Variants in SLC39A10 observed in about 807,000 individuals in gnomAD.
The protein encoded by SLC39A10 is solute carrier family 39 member 10, also known as zinc transporter ZIP10.
SLC39A10 carries 13 observed loss-of-function variants against 65.1 expected under a neutral mutation model. The ratio of observed to expected loss-of-function variants is 0.20; its 90% CI spans 0.13 to 0.32. SLC39A10 has a LOEUF of 0.32. Among genes scored for constraint, SLC39A10 ranks in the 10% least tolerant of loss-of-function variants. The pLI is 1.00. For missense variants in SLC39A10, 831 were observed against 1,018.4 expected (o/e 0.82, Z 2.50); for synonymous variants, 321 against 342.2 (o/e 0.94, Z 0.68).
upstream of SLC39A10, among the ~76,000 whole-genome samples, chr2:195,654,236 G>GGTTTCCCTCTTA (rs1689103293): frequency 6.6e-6 from 1 of 152,178 alleles, no homozygotes; most frequent in Admixed American, 6.5e-5. Flanking sequence ...ACCACGCCTG[G>GGTTTCCCTCTTA]CAGAATTAGT....
chr2:195,657,198 G>A (rs953035207), upstream of SLC39A10: 1 of 179,810 alleles, frequency 5.6e-6, no homozygotes, highest in Non-Finnish European at 1.1e-5. Flanking sequence ...AGTTAGCGCA[G>A]TCTGCTTTGG....
At chr2:195,663,454 T>C (rs1317181150) in intron 1 of SLC39A10, among the ~76,000 whole-genome samples, 1 of 152,142 alleles carries the variant, frequency 6.6e-6, no homozygotes, top group Non-Finnish European at 1.5e-5. Flanking sequence ...AATGAAACAA[T>C]ACATGGTGTG....
At chr2:195,694,618 G>C (rs1690870386) in intron 3 of SLC39A10, among the ~76,000 whole-genome samples, 1 of 152,190 alleles carries the variant, frequency 6.6e-6, no homozygotes, top group Non-Finnish European at 1.5e-5. Context: ...AGGTCTGTCA[G>C]CTGTGGATAC....
intron 3 of SLC39A10, among the ~76,000 whole-genome samples, chr2:195,705,754 A>G (rs1165621915): frequency 1.3e-5 from 2 of 152,290 alleles, no homozygotes; most frequent in Non-Finnish European, 2.9e-5. Flanking sequence ...AAAACTAATA[A>G]CATTTCTATT....
intron 2 of SLC39A10, among the ~76,000 whole-genome samples, chr2:195,637,250 C>T (rs550915103): frequency 6.6e-6 from 1 of 152,308 alleles, no homozygotes; most frequent in East Asian, 1.9e-4. Context: ...AAGCTTTCTC[C>T]ATAAGCTGCA....
rs555997341 is a variant in SLC39A10 at position 195,638,611 on chromosome 2, TG to T, written c.-12+32381del. Among the ~76,000 whole-genome samples the T allele has an allele frequency of 3.0e-4, 46 of 152,306 alleles. 1 individual carries two copies. In the South Asian group the frequency reaches 7.9e-3, roughly 26 times the overall value. ...CACCCACCTCGGCCTCCCAAAGTGCTGGGATTACAGGCATGAGCCACCGCAC... is the reference window on the plus strand; with the variant it reads ...CACCCACCTCGGCCTCCCAAAGTGCTGGATTACAGGCATGAGCCACCGCAC... On this transcript the variant is annotated intron_variant, in intron 2 of 2. Coordinates refer to the SLC39A10 transcript ENST00000458054.
chr2:195,660,329 A>G (rs928719663), intron 1 of SLC39A10, among the ~76,000 whole-genome samples: 2 of 152,222 alleles, frequency 1.3e-5, no homozygotes, highest in African/African-American at 2.4e-5. Flanking sequence ...GAAATGGAAG[A>G]GAAATGTAGG....
At chr2:195,650,656 G>A (rs971735367) in intron 2 of SLC39A10, among the ~76,000 whole-genome samples, 2 of 152,034 alleles carry the variant, frequency 1.3e-5, no homozygotes, top group Admixed American at 1.3e-4. Flanking sequence ...TTTCTCCCCT[G>A]GGTGAGAAGT....
At chr2:195,659,377 C>T (rs1446487979) in intron 1 of SLC39A10, among the ~76,000 whole-genome samples, 1 of 152,044 alleles carries the variant, frequency 6.6e-6, no homozygotes, top group Admixed American at 6.5e-5. Context: ...TTTTGAGCAC[C>T]TGATTTGAAG....
chr2:195,725,971 G>T (rs1415673997), intron 8 of SLC39A10, among the ~76,000 whole-genome samples: 1 of 152,134 alleles, frequency 6.6e-6, no homozygotes, highest in Non-Finnish European at 1.5e-5. Context: ...TTTTGGAAGG[G>T]TAATGAAAAA....
In SLC39A10 at chr2:195,680,128, A is replaced by G. The variant is rs1401731678; in HGVS notation, c.86A>G (p.His29Arg). The change falls in exon 2 of 10, where the codon CAT becomes CGT. Residue 29 changes from histidine (H) to arginine (R), a missense_variant. Around this residue, in one of 4 missense-constraint regions of SLC39A10, gnomAD observed 446 missense variants for 499.2 expected, o/e 0.89. Coordinates refer to ENST00000359634, the MANE Select transcript of SLC39A10 (RefSeq NM_020342.3). ...CATTGCAACCATTGCCATGAAGAAC[A>G]TGACCATGGCCCTGAAGCGCTTCAC... ...FHHCNHCHEEHDHGPEALHRQ... is the reference protein window; with the variant it reads ...FHHCNHCHEERDHGPEALHRQ... 1 of 1,613,762 alleles carries G rather than the reference A, an allele frequency of 6.2e-7. No homozygotes were observed. The highest frequency in any genetic ancestry group is 8.5e-7 in the Non-Finnish European group (1 of 1,179,990).
intron 5 of SLC39A10, 100 bp downstream of exon 5, chr2:195,708,944 A>G (rs747679625): frequency 1.4e-5 from 12 of 841,122 alleles, no homozygotes; most frequent in African/African-American, 5.3e-5. Flanking sequence ...GTTGGTGTGT[A>G]TTAAGTCTCA....
intron 2 of SLC39A10, among the ~76,000 whole-genome samples, chr2:195,644,383 C>T (rs1264614716): frequency 1.3e-5 from 2 of 150,328 alleles, no homozygotes; most frequent in African/African-American, 4.9e-5. Context: ...GCTCTGTTGC[C>T]CAGGCTGGAG....
chr2:195,694,279 G>A (rs1205282157), intron 3 of SLC39A10, among the ~76,000 whole-genome samples: 1 of 152,166 alleles, frequency 6.6e-6, no homozygotes, highest in Non-Finnish European at 1.5e-5. Context: ...TTCTGCAGTT[G>A]TTGGGTAGAA....
chr2:195,728,067 C>T lies in SLC39A10; in HGVS notation c.2147-92C>T. On this transcript the variant is annotated intron_variant, in intron 8 of 9. Transcript: ENST00000359634. This position sits in a 1 kb window ranked among gnomAD's most constrained non-coding sequence, Gnocchi z 4.4. The stretch of plus-strand genomic sequence containing the variant: ...AAATACTGTTATTAAAAGTGTGTAT[C>T]TTTTTAATGCTGATTTTATTTGTTT... 8.7e-7 allele frequency: 1 copy of T among 1,149,988 alleles called. No individual in the cohort carries two copies. Among genetic ancestry groups the T allele is most frequent in the South Asian group, 1.6e-5 (1 of 61,090 alleles). 71.2% of individuals were successfully genotyped at this position (1,149,988 alleles called of 1,614,324 possible).
intron 2 of SLC39A10, among the ~76,000 whole-genome samples, chr2:195,622,939 T>C (rs1574195724): frequency 7.9e-6 from 1 of 126,396 alleles, no homozygotes; most frequent in Non-Finnish European, 1.6e-5. Flanking sequence ...GCCCCTGCAC[T>C]CCAGCCTGGG....
At chr2:195,715,326 G>A (rs948254443) in intron 6 of SLC39A10, among the ~76,000 whole-genome samples, 3 of 151,728 alleles carry the variant, frequency 2.0e-5, no homozygotes, top group Non-Finnish European at 4.4e-5. Flanking sequence ...AGGAGTTCAA[G>A]ACCAGCCTGA....
At chr2:195,672,748 A>G (rs1218536025) in intron 1 of SLC39A10, among the ~76,000 whole-genome samples, 1 of 152,188 alleles carries the variant, frequency 6.6e-6, no homozygotes, top group Non-Finnish European at 1.5e-5. Flanking sequence ...AATATATATG[A>G]ATGTCCTGTT....
intron 3 of SLC39A10, among the ~76,000 whole-genome samples, chr2:195,704,705 T>G (rs1354613454): frequency 1.3e-5 from 2 of 152,172 alleles, no homozygotes; most frequent in Non-Finnish European, 2.9e-5. Flanking sequence ...GAATAAGGTT[T>G]TTGACATCAG....
Sources: gnomAD v4.1 joint callset for allele counts (sites outside exome capture counted in the v4.1 genomes callset) on GRCh38, gnomAD v4.1.1 for gene constraint, gnomAD v4.1.1 regional missense constraint, Gnocchi (gnomAD v3.1) non-coding constraint, MANE v1.5 for transcripts, NCBI Gene and HGNC (gene_info 2026-07-23, HGNC 2026-07-21) for gene names.